The following RBM41 variants were observed in gnomAD, a reference collection of about 807,000 sequenced individuals.
RBM41 encodes the protein RNA-binding protein 41.
Under a neutral mutation model 30.8 loss-of-function variants are expected in RBM41, and 14 were observed. The observed-to-expected ratio is 0.45, with a 90% CI of 0.30 to 0.71. The LOEUF is 0.71. Ranked by LOEUF, RBM41 falls within the 30% of genes least tolerant of loss-of-function variation. The pLI is 0.08. For missense variants in RBM41, 276 were observed against 326.3 expected (o/e 0.85, Z 1.19); for synonymous variants, 120 against 110.1 (o/e 1.09, Z -0.56).
chrX:107,085,894 C>T (rs998881695), intron 6 of RBM41, among the ~76,000 whole-genome samples: 5 of 111,687 alleles, frequency 4.5e-5, no homozygotes, highest in Non-Finnish European at 9.4e-5. Context: ...CAACAAAAGA[C>T]ATCAGGAACA....
intron 6 of RBM41, among the ~76,000 whole-genome samples, chrX:107,074,084 ATATAT>A (rs202089609): frequency 0.019 from 2,091 of 110,987 alleles, 64 homozygotes; most frequent in African/African-American, 0.064. Flanking sequence ...GTTAACAATA[ATATAT>A]TATATAGTAT....
intron 6 of RBM41, among the ~76,000 whole-genome samples, chrX:107,082,868 A>C (rs2147932328): frequency 9.0e-6 from 1 of 111,115 alleles, no homozygotes; most frequent in African/African-American, 3.3e-5. Context: ...ACTGTTACTC[A>C]TTTCACTTAT....
At chrX:107,095,511 G>A (rs1365081071) in intron 5 of RBM41, among the ~76,000 whole-genome samples, 4 of 109,214 alleles carry the variant, frequency 3.7e-5, no homozygotes, top group Non-Finnish European at 5.7e-5. Flanking sequence ...CAGGAGAATC[G>A]CTTGAACCTA....
At chrX:107,095,528 G>A (rs771908176) in intron 5 of RBM41, among the ~76,000 whole-genome samples, 90 of 109,321 alleles carry the variant, frequency 8.2e-4, no homozygotes, top group African/African-American at 2.8e-3. Flanking sequence ...CCTAGGTGGC[G>A]GAGATTGCAG....
chrX:107,117,270 T>C (rs1336393769), intron 1 of RBM41, among the ~76,000 whole-genome samples: 1 of 111,707 alleles, frequency 9.0e-6, no homozygotes, highest in Non-Finnish European at 1.9e-5. Flanking sequence ...TGAAGGATAA[T>C]AAGAAGTAGT....
At chrX:107,096,635 A>G (rs934695649) in intron 5 of RBM41, among the ~76,000 whole-genome samples, 8 of 111,916 alleles carry the variant, frequency 7.1e-5, no homozygotes, top group African/African-American at 2.3e-4. Flanking sequence ...ATCTAAGACT[A>G]TAAGTACTCC....
downstream of RBM41, among the ~76,000 whole-genome samples, chrX:107,060,554 A>G (rs1240818451): frequency 9.0e-6 from 1 of 111,685 alleles, no homozygotes; most frequent in Admixed American, 9.5e-5. Flanking sequence ...GAACCTGCCA[A>G]CACCTTGATC....
intron 5 of RBM41, among the ~76,000 whole-genome samples, chrX:107,099,295 C>G (rs1456905698): frequency 9.0e-6 from 1 of 111,591 alleles, no homozygotes; most frequent in Non-Finnish European, 1.9e-5. Context: ...CTACCTCCTT[C>G]CTTCCTGTAG....
downstream of RBM41, among the ~76,000 whole-genome samples, chrX:107,059,237 A>G (rs1721100760): frequency 2.7e-5 from 3 of 110,837 alleles, no homozygotes; most frequent in South Asian, 1.2e-3. Context: ...GGATTTTAAC[A>G]TATTAATTTT....
chrX:107,107,573 G>C (rs1924112333), intron 5 of RBM41, among the ~76,000 whole-genome samples: 1 of 111,700 alleles, frequency 9.0e-6, no homozygotes, highest in African/African-American at 3.3e-5. Context: ...ACAAAGTTAT[G>C]TTTTCTTTCT....
intron 6 of RBM41, among the ~76,000 whole-genome samples, chrX:107,076,717 T>C (rs1262716765): frequency 9.0e-6 from 1 of 111,438 alleles, no homozygotes; most frequent in Non-Finnish European, 1.9e-5. Context: ...CTTGTGTTTT[T>C]AAAACACAAT....
At chrX:107,080,129 T>C (rs765780151) in intron 6 of RBM41, among the ~76,000 whole-genome samples, 173 of 111,474 alleles carry the variant, frequency 1.6e-3, no homozygotes, top group African/African-American at 5.4e-3. Flanking sequence ...TCAAATCAAC[T>C]GGGTAAATAA....
intron 6 of RBM41, chrX:107,070,033 C>G: frequency 4.1e-6 from 1 of 246,607 alleles, no homozygotes; most frequent in South Asian, 4.3e-5. Context: ...GCCAAGAACA[C>G]ACCTGTCACC....
rs890511185 is a variant in RBM41 at position 107,062,212 on chromosome X, T to C, written c.*5315A>G. ...TTTACTTAGTAAAATGCATTTAAGA[T>C]TCATCCAAGTGGTTGCATGTGTATT... On this transcript the variant is annotated 3_prime_UTR_variant, in exon 8 of 8. Coordinates refer to ENST00000685964, the MANE Select transcript of RBM41 (RefSeq NM_001324242.2). Among the ~76,000 whole-genome samples the C allele has an allele frequency of 1.1e-4, 12 of 112,208 alleles. No homozygotes were observed. Among genetic ancestry groups the C allele is most frequent in the African/African-American group, 3.9e-4 (12 of 30,872 alleles).
chrX:107,118,718 G>A (rs949142472), intron 1 of RBM41, 48 bp downstream of exon 1: 2 of 1,206,100 alleles, frequency 1.7e-6, no homozygotes, highest in Non-Finnish European at 1.1e-6. Flanking sequence ...CAAAAGAAAA[G>A]GTAGAACAAA....
Position 107,063,096 on chromosome X carries a change from G to A in RBM41, c.*4431C>T, listed in dbSNP as rs1326439360. ...CACCCATTTAACGTGTACAATTCCT[G>A]GTTTTTAGTATATTCAGAGTTGTGA... On this transcript the variant is annotated 3_prime_UTR_variant, in exon 8 of 8. Coordinates refer to ENST00000685964, the MANE Select transcript of RBM41 (RefSeq NM_001324242.2). 9.0e-6 allele frequency among the ~76,000 whole-genome samples: 1 copy of A among 110,942 alleles called. No individual in the cohort carries two copies. The highest frequency in any genetic ancestry group is 1.9e-5 in the Non-Finnish European group (1 of 52,967).
chrX:107,075,188 GAAGAC>G (rs1205975038), intron 6 of RBM41, among the ~76,000 whole-genome samples: 4 of 112,020 alleles, frequency 3.6e-5, no homozygotes, highest in Admixed American at 1.9e-4. Context: ...AAAATGTTGA[GAAGAC>G]AAGACAGCCA....
chrX:107,064,322 G>C lies in RBM41; in HGVS notation c.*3205C>G, dbSNP rs950167940. ...GTAAACACTGCTTTAGCTGCATCTT[G>C]TAAGTTTTGGTTTGTTGTGTCTTCA... On this transcript the variant is annotated 3_prime_UTR_variant, in exon 8 of 8. Transcript: ENST00000685964. 3 of 110,624 alleles carry C rather than the reference G, an allele frequency of 2.7e-5. No homozygotes were observed. Among genetic ancestry groups the C allele is most frequent in the Non-Finnish European group, 5.7e-5 (3 of 52,893 alleles). 9.1% of individuals were successfully genotyped at this position (110,624 alleles called of 1,213,427 possible).
intron 6 of RBM41, chrX:107,070,472 C>G (rs775149475): frequency 5.2e-5 from 14 of 270,305 alleles, no homozygotes; most frequent in Non-Finnish European, 8.3e-5. Context: ...AGGAATTTCT[C>G]TAACAAATGA....
Sources: gnomAD v4.1 joint callset for allele counts (sites outside exome capture counted in the v4.1 genomes callset) on GRCh38, gnomAD v4.1.1 for gene constraint, MANE v1.5 for transcripts, NCBI Gene and HGNC (gene_info 2026-07-23, HGNC 2026-07-21) for gene names.